The following GALNT17 variants were observed in gnomAD, a reference collection of about 807,000 sequenced individuals.
GALNT17 encodes UDP-GalNAc:polypeptide N-acetylgalactosaminyltransferase-like 3.
Under a neutral mutation model 63.7 loss-of-function variants are expected in GALNT17, and 29 were observed. The observed-to-expected ratio is 0.46, with a 90% confidence interval of 0.34 to 0.62. The LOEUF (loss-of-function observed/expected upper bound fraction) is 0.62, where lower values mean the gene tolerates loss of function less well. GALNT17 is among the 20% of genes least tolerant of loss of function. GALNT17 has a pLI of 0.01. For synonymous variants in GALNT17, 305 were observed against 318.3 expected (o/e 0.96, Z 0.45); for missense variants, 603 against 799.6 (o/e 0.75, Z 2.97).
At chr7:71,530,802 T>C (rs915754105) in intron 5 of GALNT17, among the ~76,000 whole-genome samples, 13 of 152,052 alleles carry the variant, frequency 8.5e-5, no homozygotes, top group African/African-American at 3.1e-4. Flanking sequence ...TCTCCTGACC[T>C]TGTGATCCGT....
chr7:71,497,980 C>T (rs1252217057), intron 5 of GALNT17, among the ~76,000 whole-genome samples: 1 of 151,918 alleles, frequency 6.6e-6, no homozygotes, highest in Non-Finnish European at 1.5e-5. Flanking sequence ...GAATGTTTTT[C>T]AAAAAAGAAA....
intron 1 of GALNT17, among the ~76,000 whole-genome samples, chr7:71,144,351 C>G (rs1787975220): frequency 6.6e-6 from 1 of 152,080 alleles, no homozygotes; most frequent in Non-Finnish European, 1.5e-5. Context: ...GGCGTTGGTG[C>G]CATAGGATGC....
At chr7:71,287,085 A>G (rs1222860884) in intron 1 of GALNT17, among the ~76,000 whole-genome samples, 1 of 149,476 alleles carries the variant, frequency 6.7e-6, no homozygotes, top group African/African-American at 2.5e-5. Context: ...GCTGCTTTTA[A>G]GTTCCTTTTT....
chr7:71,703,162 C>T lies in GALNT17; in HGVS notation c.1501-7599C>T, dbSNP rs912318316. ...GTTATATCAACTGTACTCAGCACAGCGCCTGGGGGCAATTGAAGTTTATAA... is the reference window on the plus strand; with the variant it reads ...GTTATATCAACTGTACTCAGCACAGTGCCTGGGGGCAATTGAAGTTTATAA... On this transcript the variant is annotated intron_variant, in intron 9 of 10. Coordinates refer to ENST00000333538, the MANE Select transcript of GALNT17 (RefSeq NM_022479.3). Among the ~76,000 whole-genome samples, 8 of 152,324 alleles carry T rather than the reference C, an allele frequency of 5.3e-5. 1 individual carries two copies. Among genetic ancestry groups the T allele is most frequent in the African/African-American group, 1.2e-4 (5 of 41,568 alleles).
chr7:71,568,926 A>T (rs1324956160), intron 5 of GALNT17, among the ~76,000 whole-genome samples: 1 of 152,160 alleles, frequency 6.6e-6, no homozygotes, highest in Non-Finnish European at 1.5e-5. Context: ...ACCACTGCAC[A>T]TATATGCATG....
chr7:71,239,571 C>G (rs1171499964), intron 1 of GALNT17, among the ~76,000 whole-genome samples: 2 of 152,232 alleles, frequency 1.3e-5, no homozygotes, highest in African/African-American at 4.8e-5. Context: ...AAAGCCCTTT[C>G]TCTTTTCTTC....
At position 71,370,764 on chromosome 7, in the gene GALNT17, C is replaced by T. The variant is rs1459229067; in HGVS notation, c.423-17471C>T. Among the ~76,000 whole-genome samples the T allele has an allele frequency of 3.3e-5, 5 of 152,074 alleles. No homozygotes were observed. The East Asian group carries it at 9.7e-4, about 30-fold the overall frequency. ...ATTACAGGTGTGAGCCACCACCGCGCCTGGCCCTTATTTTTATTTTTTGTA... is the reference window on the plus strand; with the variant it reads ...ATTACAGGTGTGAGCCACCACCGCGTCTGGCCCTTATTTTTATTTTTTGTA... On this transcript the variant is annotated intron_variant, in intron 2 of 10. Coordinates refer to ENST00000333538, the MANE Select transcript of GALNT17 (RefSeq NM_022479.3).
intron 9 of GALNT17, among the ~76,000 whole-genome samples, chr7:71,701,222 C>CA (rs1765496340): frequency 6.6e-6 from 1 of 152,144 alleles, no homozygotes; most frequent in African/African-American, 2.4e-5. Context: ...CACGATGGCT[C>CA]ACGCCTGTAA....
chr7:71,321,910 C>T lies in GALNT17; in HGVS notation c.239-13640C>T, dbSNP rs1485939918. 4.5e-3 allele frequency among the ~76,000 whole-genome samples: 428 copies of T among 94,912 alleles called. 12 individuals carry two copies. The highest frequency in any genetic ancestry group is 0.015 in the African/African-American group (401 of 26,482). 62.3% of individuals were successfully genotyped at this position (94,912 alleles called of 152,430 possible). A position where few individuals can be genotyped will look rare whatever the true frequency, so the allele number is the denominator to read the frequency against. On this transcript the variant is annotated intron_variant, in intron 1 of 10. Transcript: ENST00000333538. ...TCCTTCCTTCCTTCCTTCCTTCCTT[C>T]CTTCCTTCCTTCCCCTCCCTCCCTC... is the stretch of plus-strand genomic sequence containing the variant.
intron 1 of GALNT17, among the ~76,000 whole-genome samples, chr7:71,279,186 C>A (rs1167036130): frequency 6.6e-6 from 1 of 151,790 alleles, no homozygotes; most frequent in African/African-American, 2.4e-5. Context: ...GCCTCCCAAC[C>A]CTCTGTGTAT....
At chr7:71,576,980 G>A (rs1156863446) in intron 6 of GALNT17, among the ~76,000 whole-genome samples, 1 of 152,200 alleles carries the variant, frequency 6.6e-6, no homozygotes, top group Non-Finnish European at 1.5e-5. Flanking sequence ...GTCAACAGTG[G>A]ATGGGATAAA....
chr7:71,208,437 A>G (rs1443599522), intron 1 of GALNT17, among the ~76,000 whole-genome samples: 2 of 147,348 alleles, frequency 1.4e-5, no homozygotes, highest in Non-Finnish European at 3.0e-5. Flanking sequence ...ATTTGTTTTA[A>G]TTTAATAAAT....
At chr7:71,466,552 G>T (rs1329232512) in intron 5 of GALNT17, among the ~76,000 whole-genome samples, 2 of 152,166 alleles carry the variant, frequency 1.3e-5, no homozygotes, top group Admixed American at 6.5e-5. Flanking sequence ...GCATTCTGTA[G>T]AGAATTCCCT....
At chr7:71,345,129 T>A (rs919729299) in intron 2 of GALNT17, among the ~76,000 whole-genome samples, 7 of 146,900 alleles carry the variant, frequency 4.8e-5, no homozygotes, top group African/African-American at 1.0e-4. Context: ...CACTGTTTTT[T>A]TTTTGTTGTT....
At chr7:71,551,773 AG>A (rs1289357777) in intron 5 of GALNT17, among the ~76,000 whole-genome samples, 9 of 45,184 alleles carry the variant, frequency 2.0e-4, no homozygotes, top group Non-Finnish European at 4.1e-4. Context: ...AAAAAAAAAA[AG>A]AGAGAGAGAG....
intron 5 of GALNT17, among the ~76,000 whole-genome samples, chr7:71,491,717 G>C (rs993865429): frequency 1.3e-5 from 2 of 152,160 alleles, no homozygotes; most frequent in African/African-American, 4.8e-5. Context: ...GCACAGATTG[G>C]TCAGTTTCTG....
chr7:71,377,968 G>A (rs1426616544), intron 2 of GALNT17, among the ~76,000 whole-genome samples: 1 of 152,140 alleles, frequency 6.6e-6, no homozygotes, highest in African/African-American at 2.4e-5. Context: ...AAATTACCCA[G>A]TCTCGGGAAT....
At chr7:71,141,547 G>A (rs2116167645) in intron 1 of GALNT17, among the ~76,000 whole-genome samples, 1 of 152,130 alleles carries the variant, frequency 6.6e-6, no homozygotes, top group African/African-American at 2.4e-5. Flanking sequence ...CCCAACACAC[G>A]GCAGTTGTAA....
chr7:71,281,302 T>C (rs967103985), intron 1 of GALNT17, among the ~76,000 whole-genome samples: 44 of 152,164 alleles, frequency 2.9e-4, no homozygotes, highest in Admixed American at 5.9e-4. Context: ...AGGCCAGGAG[T>C]TGGAGACCAA....
Sources: gnomAD v4.1 joint callset for allele counts (sites outside exome capture counted in the v4.1 genomes callset) on GRCh38, gnomAD v4.1.1 for gene constraint, MANE v1.5 for transcripts, NCBI Gene and HGNC (gene_info 2026-07-23, HGNC 2026-07-21) for gene names.